SPATS2: variants seen among roughly 807,000 people sequenced by gnomAD.
SPATS2 encodes the protein spermatogenesis-associated serine-rich protein 2.
SPATS2 carries 38 observed loss-of-function variants against 63.7 expected under a neutral mutation model. The observed-to-expected ratio is 0.60, with a 90% CI of 0.46 to 0.78. The LOEUF is 0.78. Among genes scored for constraint, SPATS2 ranks in the 30% least tolerant of loss-of-function variants. SPATS2 has a pLI of 0.00. For missense variants in SPATS2, 588 were observed against 666.2 expected (o/e 0.88, Z 1.29); for synonymous variants, 207 against 232.9 (o/e 0.89, Z 1.01).
chr12:49,476,174 C>T (rs371829538), intron 3 of SPATS2, among the ~76,000 whole-genome samples: 2 of 152,040 alleles, frequency 1.3e-5, no homozygotes, highest in South Asian at 2.1e-4. Flanking sequence ...GGTGGCTGGA[C>T]GTGGAGAGGA....
rs563864899 is a variant in SPATS2, at chr12:49,371,768, A to G, written c.-244+478A>G. On this transcript the variant is annotated intron_variant, in intron 2 of 13. Transcript: ENST00000552918. ...AGAGAGAGAGGTGGGGGGAAGTGCTACACACGTTTAAACAACTAGATCTTG... is the reference window on the plus strand; with the variant it reads ...AGAGAGAGAGGTGGGGGGAAGTGCTGCACACGTTTAAACAACTAGATCTTG... Among the ~76,000 whole-genome samples, 6 of 152,174 alleles carry G rather than the reference A, an allele frequency of 3.9e-5. No individual in the cohort carries two copies. The East Asian group carries it at 1.2e-3, about 29-fold the overall frequency.
intron 2 of SPATS2, among the ~76,000 whole-genome samples, chr12:49,450,127 C>G (rs1222470859): frequency 6.6e-6 from 1 of 151,758 alleles, no homozygotes; most frequent in East Asian, 1.9e-4. Context: ...CATTCTTTTA[C>G]TTTCAATCTC....
At chr12:49,497,961 C>T (rs1197709622) in intron 8 of SPATS2, among the ~76,000 whole-genome samples, 1 of 151,726 alleles carries the variant, frequency 6.6e-6, no homozygotes, top group Non-Finnish European at 1.5e-5. Context: ...TGGTCCACTC[C>T]ACTAAACAAA....
chr12:49,499,065 C>T (rs892696566), intron 8 of SPATS2, among the ~76,000 whole-genome samples: 4 of 152,086 alleles, frequency 2.6e-5, no homozygotes, highest in Non-Finnish European at 4.4e-5. Flanking sequence ...GGATTACAGG[C>T]GTGAGCCACC....
intron 2 of SPATS2, among the ~76,000 whole-genome samples, chr12:49,425,566 T>A (rs1480204441): frequency 2.6e-5 from 4 of 152,078 alleles, no homozygotes; most frequent in African/African-American, 9.7e-5. Flanking sequence ...GCGATCCATC[T>A]ACCTTGGCCT....
rs548328259 is a variant in SPATS2, at chr12:49,445,910, T to A, written c.-243-14860T>A. 7.2e-4 allele frequency among the ~76,000 whole-genome samples: 110 copies of A among 152,176 alleles called. 1 individual carries two copies. The highest frequency in any genetic ancestry group is 2.5e-3 in the African/African-American group (105 of 41,516). On this transcript the variant is annotated intron_variant, in intron 2 of 13. Coordinates refer to ENST00000552918, the MANE Select transcript of SPATS2 (RefSeq NM_023071.4). ...GTAGTGTTTTTTTGGTTTGTTTTTG[T>A]TTTTGTTTTTTTGAGACAGAGTCGC...
chr12:49,449,929 A>C (rs1325769592), intron 2 of SPATS2, among the ~76,000 whole-genome samples: 1 of 152,078 alleles, frequency 6.6e-6, no homozygotes. Flanking sequence ...TCATTTGTTG[A>C]ACTCTTTATT....
intron 2 of SPATS2, among the ~76,000 whole-genome samples, chr12:49,432,031 C>G (rs1425105128): frequency 6.6e-6 from 1 of 152,152 alleles, no homozygotes; most frequent in African/African-American, 2.4e-5. Context: ...ATAATATATA[C>G]ATTTTTAATT....
chr12:49,428,439 C>G (rs1945122553), intron 2 of SPATS2, among the ~76,000 whole-genome samples: 1 of 152,154 alleles, frequency 6.6e-6, no homozygotes, highest in East Asian at 1.9e-4. Flanking sequence ...CTCTCATTCC[C>G]TCTTCCCCCT....
chr12:49,452,331 C>A (rs1945637662), intron 2 of SPATS2, among the ~76,000 whole-genome samples: 1 of 152,188 alleles, frequency 6.6e-6, no homozygotes, highest in Non-Finnish European at 1.5e-5. Context: ...AGGGTCTTGC[C>A]TTGCTGCTCA....
intron 4 of SPATS2, among the ~76,000 whole-genome samples, chr12:49,485,149 T>C (rs2137838734): frequency 6.7e-6 from 1 of 148,444 alleles, no homozygotes; most frequent in African/African-American, 2.5e-5. Context: ...CACTGCAAGC[T>C]CTGCCTTCCG....
At chr12:49,397,104 T>C (rs538396380) in intron 2 of SPATS2, among the ~76,000 whole-genome samples, 9 of 152,320 alleles carry the variant, frequency 5.9e-5, no homozygotes, top group African/African-American at 2.2e-4. Flanking sequence ...CTATTCCCTC[T>C]GTCTGGAATG....
chr12:49,482,460 C>T (rs192711095), intron 3 of SPATS2, among the ~76,000 whole-genome samples: 1 of 152,258 alleles, frequency 6.6e-6, no homozygotes, highest in East Asian at 1.9e-4. Context: ...AGGGCCCTTT[C>T]TGTCTTTGGC....
intron 2 of SPATS2, among the ~76,000 whole-genome samples, chr12:49,439,463 A>G (rs1945377320): frequency 6.6e-6 from 1 of 152,228 alleles, no homozygotes; most frequent in Admixed American, 6.5e-5. Flanking sequence ...AAAAATCACG[A>G]TGGCTTGGAC....
chr12:49,514,112 G>A (rs1019865732), intron 9 of SPATS2, among the ~76,000 whole-genome samples: 4 of 150,878 alleles, frequency 2.7e-5, no homozygotes, highest in African/African-American at 7.3e-5. Context: ...AGCCAAGATC[G>A]CGCCACTGCA....
intron 2 of SPATS2, among the ~76,000 whole-genome samples, chr12:49,448,728 A>AG (rs1945562269): frequency 1.3e-5 from 2 of 151,750 alleles, no homozygotes; most frequent in African/African-American, 4.8e-5. Flanking sequence ...AAAAAAAAAA[A>AG]AAAAAAGCAT....
intron 9 of SPATS2, among the ~76,000 whole-genome samples, chr12:49,510,195 CAA>C (rs1946727444): frequency 7.1e-6 from 1 of 140,596 alleles, no homozygotes; most frequent in African/African-American, 2.6e-5. Flanking sequence ...CCCAGGAGGT[CAA>C]GGATGCAGTG....
chr12:49,485,996 C>T (rs1946285726), intron 4 of SPATS2, among the ~76,000 whole-genome samples: 1 of 151,440 alleles, frequency 6.6e-6, no homozygotes, highest in African/African-American at 2.4e-5. Context: ...TGACCTCAGG[C>T]GATCTGCCTG....
intron 9 of SPATS2, among the ~76,000 whole-genome samples, chr12:49,513,928 G>A (rs939951213): frequency 6.6e-6 from 1 of 152,074 alleles, no homozygotes; most frequent in African/African-American, 2.4e-5. Context: ...AGGCCGAGGC[G>A]GGCGGATCAC....
Sources: gnomAD v4.1 joint callset for allele counts (sites outside exome capture counted in the v4.1 genomes callset) on GRCh38, gnomAD v4.1.1 for gene constraint, MANE v1.5 for transcripts, NCBI Gene and HGNC (gene_info 2026-07-23, HGNC 2026-07-21) for gene names.